PAX6: variants seen among roughly 807,000 people sequenced by gnomAD.
PAX6 encodes the protein paired box 6.
PAX6 carries 7 observed loss-of-function variants against 60.7 expected under a neutral mutation model. The observed-to-expected ratio is 0.12, with a 90% CI of 0.07 to 0.22. PAX6 has a LOEUF of 0.22. PAX6 is among the 10% of genes least tolerant of loss of function. The pLI, the probability that PAX6 is intolerant of heterozygous loss-of-function variation, is 1.00. For missense variants in PAX6, 355 were observed against 555.2 expected, an observed-to-expected ratio of 0.64 and a Z score of 3.62; for synonymous variants, 208 against 201.2, an observed-to-expected ratio of 1.03 and a Z score of -0.29.
rs1156909619 is a variant in PAX6 at position 31,801,792 on chromosome 11, G to A, written c.184-16C>T. Reference sequence around the variant, plus strand: ...CGTTGGACACCTGCATAGGGGAAGTGGACAGAAAACCACATTATTAATAAT... The same window carrying A: ...CGTTGGACACCTGCATAGGGGAAGTAGACAGAAAACCACATTATTAATAAT... On this transcript the variant is annotated splice_polypyrimidine_tract_variant and intron_variant, in intron 6 of 13. Coordinates refer to ENST00000640368, the MANE Select transcript of PAX6 (RefSeq NM_001368894.2). The A allele has an allele frequency of 6.2e-7, 1 of 1,614,082 alleles. No individual in the cohort carries two copies. The highest frequency in any genetic ancestry group is 2.2e-5 in the East Asian group (1 of 44,876).
chr11:31,816,942 G>C (rs1957410230), intron 1 of PAX6, among the ~76,000 whole-genome samples: 1 of 152,234 alleles, frequency 6.6e-6, no homozygotes, highest in Non-Finnish European at 1.5e-5. Flanking sequence ...CAGGACTTTC[G>C]CCCGGCTGAA....
intron 1 of PAX6, among the ~76,000 whole-genome samples, chr11:31,816,879 TGCCCCGCCTAAGCCG>T (rs1957407014): frequency 6.6e-6 from 1 of 152,232 alleles, no homozygotes; most frequent in Admixed American, 6.5e-5. Flanking sequence ...GGTTCTTGGG[TGCCCCGCCTAAGCCG>T]GCCTGGGCGT....
At chr11:31,815,946 G>T (rs1352373282), upstream of PAX6, among the ~76,000 whole-genome samples, 1 of 152,192 alleles carries the variant, frequency 6.6e-6, no homozygotes, top group Admixed American at 6.5e-5. Flanking sequence ...CGGCCGGGGA[G>T]AATTTAAGAA....
chr11:31,810,040 G>GC (rs1222815638), intron 2 of PAX6: 1 of 152,524 alleles, frequency 6.6e-6, no homozygotes, highest in African/African-American at 2.4e-5. Context: ...GGGGGCAAGA[G>GC]CCCGGGGGCT....
chr11:31,798,405 G>T (rs889355861), intron 8 of PAX6, among the ~76,000 whole-genome samples: 32 of 826 alleles, frequency 0.039, no homozygotes, highest in Non-Finnish European at 0.077. Context: ...CCCGCCTTAT[G>T]CTTTTGGAGT....
At chr11:31,797,030 T>C (rs1273641130) in intron 8 of PAX6, among the ~76,000 whole-genome samples, 1 of 152,098 alleles carries the variant, frequency 6.6e-6, no homozygotes, top group Non-Finnish European at 1.5e-5. Flanking sequence ...CCTCGCTTTA[T>C]TTTCGGGTTT....
At chr11:31,800,482 A>G in intron 8 of PAX6, 1 of 698,352 alleles carries the variant, frequency 1.4e-6, no homozygotes, top group Non-Finnish European at 2.6e-6. Flanking sequence ...CTCCTGACAT[A>G]CACAACCCTC....
chr11:31,812,294 C>CTG (rs1185164641), upstream of PAX6: 11 of 108,224 alleles, frequency 1.0e-4, no homozygotes, highest in African/African-American at 5.4e-4. Flanking sequence ...GGGATTCTCT[C>CTG]TCTCTCTCTG....
intron 13 of PAX6, 30 bp from the exon 14 acceptor site, chr11:31,790,049 A>T (rs763393870): frequency 1.6e-6 from 2 of 1,244,920 alleles, no homozygotes; most frequent in Middle Eastern, 2.0e-4. Context: ...ATAGCCATGT[A>T]GATATTCCCT....
At position 31,796,060 on chromosome 11, in the gene PAX6, G is replaced by T. The variant is rs554173135; in HGVS notation, c.566-1272C>A. On this transcript the variant is annotated intron_variant, in intron 8 of 13. Coordinates refer to ENST00000640368, the MANE Select transcript of PAX6 (RefSeq NM_001368894.2). ...AGGGAATTGTGACAGGATCTAGTGGGATCTTTTCAGGAACTTTGAAATGTT... is the reference window on the plus strand; with the variant it reads ...AGGGAATTGTGACAGGATCTAGTGGTATCTTTTCAGGAACTTTGAAATGTT... Among the ~76,000 whole-genome samples the T allele has an allele frequency of 2.1e-4, 32 of 152,362 alleles. 1 individual carries two copies. The South Asian group carries it at 6.0e-3, about 29-fold the overall frequency.
At chr11:31,814,080 G>GTCT (rs1957258037), upstream of PAX6, 3 of 152,108 alleles carry the variant, frequency 2.0e-5, no homozygotes, top group African/African-American at 7.2e-5. Context: ...GGCGGGGATT[G>GTCT]CGCTTTAGGT....
At chr11:31,808,270 A>T (rs1956307660) in intron 2 of PAX6, 1 of 152,196 alleles carries the variant, frequency 6.6e-6, no homozygotes, top group Non-Finnish European at 1.5e-5. Flanking sequence ...CTTTTTAACT[A>T]CTTGGTAGAC....
At chr11:31,797,507 GAAAAAA>G (rs36004875) in intron 8 of PAX6, among the ~76,000 whole-genome samples, 21 of 101,394 alleles carry the variant, frequency 2.1e-4, no homozygotes, top group East Asian at 6.2e-4. Context: ...TTTAAATCTG[GAAAAAA>G]AAAAAAAAAA....
At chr11:31,795,606 C>G (rs1372821144) in intron 8 of PAX6, among the ~76,000 whole-genome samples, 4 of 152,250 alleles carry the variant, frequency 2.6e-5, no homozygotes, top group African/African-American at 4.8e-5. Context: ...ATATTCTATG[C>G]TGCAGCTGAA....
In PAX6 at chr11:31,804,113, A is replaced by G. The variant is rs567721275; in HGVS notation, c.11-1279T>C. 1.2e-4 allele frequency: 18 copies of G among 152,248 alleles called. No homozygotes were observed. The South Asian group carries it at 2.9e-3, about 25-fold the overall frequency. The allele number at this position is 152,248 out of a possible 1,614,324, so 9.4% of individuals were successfully genotyped here. ...AAGCTCCAAATATAGAAGAGGGGGG[A>G]AAATATGATGAGCCTCTCTGACATT... On this transcript the variant is annotated intron_variant, in intron 4 of 13. Transcript: ENST00000640368.
At chr11:31,800,570 G>T in intron 8 of PAX6, 121 bp downstream of exon 8, 1 of 1,195,950 alleles carries the variant, frequency 8.4e-7, no homozygotes, top group Non-Finnish European at 1.2e-6. Context: ...GCCTTCAAAT[G>T]CAGTCTCACC....
At chr11:31,806,588 C>T in intron 3 of PAX6, 126 bp from the exon 4 acceptor site, 5 of 733,576 alleles carry the variant, frequency 6.8e-6, no homozygotes, top group Admixed American at 2.1e-5. Context: ...TCCACTCAAC[C>T]TCTTGGGGCG....
chr11:31,794,229 C>G lies in PAX6; in HGVS notation c.725-115G>C. 3 of 795,482 alleles carry G rather than the reference C, an allele frequency of 3.8e-6. No homozygotes were observed. The East Asian group carries it at 7.3e-5, about 19-fold the overall frequency. 49.3% of individuals were successfully genotyped at this position (795,482 alleles called of 1,614,324 possible). ...ACTCCCATTACCTCCAACCAATTCC[C>G]TTTAAAATGCTTCTAGTGTTGACTG... On this transcript the variant is annotated intron_variant, in intron 9 of 13. Transcript: ENST00000640368.
intron 12 of PAX6, 41 bp downstream of exon 12, chr11:31,793,397 C>T (rs1950489295): frequency 7.7e-6 from 12 of 1,563,506 alleles, no homozygotes; most frequent in Non-Finnish European, 1.1e-5. Flanking sequence ...CCTCACTTCT[C>T]TGGGGCCTGG....
Sources: gnomAD v4.1 joint callset for allele counts (sites outside exome capture counted in the v4.1 genomes callset) on GRCh38, gnomAD v4.1.1 for gene constraint, MANE v1.5 for transcripts, NCBI Gene and HGNC (gene_info 2026-07-23, HGNC 2026-07-21) for gene names.